RPS6KC1: variants seen among roughly 807,000 people sequenced by gnomAD.
The protein encoded by RPS6KC1 is ribosomal protein S6 kinase C1.
RPS6KC1 carries 54 observed loss-of-function variants against 103.8 expected under a neutral mutation model. That is an observed-to-expected ratio of 0.52 (90% CI 0.42 to 0.65). The LOEUF (loss-of-function observed/expected upper bound fraction) is 0.65, where lower values mean the gene tolerates loss of function less well. RPS6KC1 is among the 30% of genes least tolerant of loss of function. The pLI is 0.00. For synonymous variants in RPS6KC1, 439 were observed against 438.7 expected (o/e 1.00, Z -0.01); for missense variants, 1,151 against 1,253.8 (o/e 0.92, Z 1.24).
At chr1:213,450,791 C>T in the RPS6KC1 span, among the ~76,000 whole-genome samples, 252 of 152,250 alleles carry the variant, frequency 1.7e-3, no homozygotes, top group African/African-American at 5.9e-3. Context: ...GCCTGGCCAA[C>T]ATGGTGAAAC....
chr1:213,765,502 C>T, the RPS6KC1 span, among the ~76,000 whole-genome samples: 3 of 152,192 alleles, frequency 2.0e-5, no homozygotes, highest in African/African-American at 7.2e-5. Context: ...TGAGTCTGCC[C>T]AGGGCCATTG....
chr1:213,312,971 A>ACC, the RPS6KC1 span, among the ~76,000 whole-genome samples: 4 of 152,098 alleles, frequency 2.6e-5, no homozygotes, highest in Non-Finnish European at 5.9e-5. Context: ...CCCCACATAG[A>ACC]CCCTTAACTG....
chr1:213,093,208 CTTT>C (rs778283618), intron 3 of RPS6KC1, among the ~76,000 whole-genome samples: 13 of 136,168 alleles, frequency 9.5e-5, no homozygotes, highest in Non-Finnish European at 9.7e-5. Context: ...TAATAATCTA[CTTT>C]TTTTTTTTTT....
intron 7 of RPS6KC1, among the ~76,000 whole-genome samples, chr1:213,174,138 A>T (rs962095746): frequency 2.6e-5 from 4 of 152,164 alleles, no homozygotes; most frequent in African/African-American, 9.7e-5. Flanking sequence ...AGGCAGCAGC[A>T]GAAAAGAATT....
chr1:213,668,402 A>ACCACCC, the RPS6KC1 span, among the ~76,000 whole-genome samples: 41,959 of 85,966 alleles, frequency 0.49, 9,075 homozygotes, highest in South Asian at 0.68. Flanking sequence ...CCCCCGCCGC[A>ACCACCC]CCACCCCCAC....
the RPS6KC1 span, among the ~76,000 whole-genome samples, chr1:213,626,882 T>A: frequency 6.6e-6 from 1 of 152,228 alleles, no homozygotes; most frequent in African/African-American, 2.4e-5. Context: ...TTTGTTCTTT[T>A]GGCTTAGGAT....
At chr1:213,516,031 T>C in the RPS6KC1 span, among the ~76,000 whole-genome samples, 2,411 of 152,328 alleles carry the variant, frequency 0.016, 62 homozygotes, top group African/African-American at 0.054. Context: ...GCTCTCTGTT[T>C]GTCTGTTATT....
At chr1:213,482,075 A>G in the RPS6KC1 span, among the ~76,000 whole-genome samples, 7,558 of 152,198 alleles carry the variant, frequency 0.05, 610 homozygotes, top group African/African-American at 0.17. Flanking sequence ...AACTCCCTGA[A>G]TCCTCCCCAG....
the RPS6KC1 span, chr1:213,817,811 A>C: frequency 6.6e-6 from 1 of 151,044 alleles, no homozygotes; most frequent in Non-Finnish European, 1.5e-5. Context: ...TTTTTTTTAC[A>C]AATTGAAGGT....
chr1:213,085,183 G>A (rs1447328124), intron 3 of RPS6KC1, among the ~76,000 whole-genome samples: 3 of 152,174 alleles, frequency 2.0e-5, no homozygotes, highest in Non-Finnish European at 4.4e-5. Context: ...AGCTGCCTAT[G>A]TTCCTTGGCT....
At chr1:213,854,127 A>G in the RPS6KC1 span, among the ~76,000 whole-genome samples, 1 of 152,228 alleles carries the variant, frequency 6.6e-6, no homozygotes, top group Non-Finnish European at 1.5e-5. Context: ...TAGTCTCTGC[A>G]GGATAGGACC....
rs529118574 is a variant in RPS6KC1 at position 213,248,163 on chromosome 1, A to T, written c.2911+5505A>T. Among the ~76,000 whole-genome samples the T allele has an allele frequency of 2.0e-5, 3 of 152,288 alleles. No individual in the cohort carries two copies. The South Asian group carries it at 6.2e-4, about 32-fold the overall frequency. ...AGAAAGCAAATAAATATAGATGTAT[A>T]TTTCAAAATAATAATGACATAACCA... On this transcript the variant is annotated intron_variant, in intron 12 of 14. Transcript: ENST00000366960.
intron 3 of RPS6KC1, among the ~76,000 whole-genome samples, chr1:213,095,443 A>G (rs2081360780): frequency 6.6e-6 from 1 of 152,262 alleles, no homozygotes; most frequent in Admixed American, 6.5e-5. Context: ...TAATAAAAAC[A>G]ACATAGGGAA....
chr1:213,798,949 G>C, the RPS6KC1 span, among the ~76,000 whole-genome samples: 1 of 152,178 alleles, frequency 6.6e-6, no homozygotes, highest in African/African-American at 2.4e-5. Flanking sequence ...TCCATGGCTG[G>C]AGCATATTGG....
chr1:213,769,643 T>C, the RPS6KC1 span, among the ~76,000 whole-genome samples: 2 of 151,734 alleles, frequency 1.3e-5, no homozygotes, highest in East Asian at 1.9e-4. Context: ...GAATTCCATA[T>C]AGTGTCAGCA....
At chr1:213,148,699 G>T (rs545235127) in intron 6 of RPS6KC1, among the ~76,000 whole-genome samples, 1 of 152,092 alleles carries the variant, frequency 6.6e-6, no homozygotes. Context: ...CTCATAGAAC[G>T]AGTTTATAAG....
intron 4 of RPS6KC1, among the ~76,000 whole-genome samples, chr1:213,114,193 C>G (rs1205375784): frequency 6.6e-6 from 1 of 152,122 alleles, no homozygotes; most frequent in Non-Finnish European, 1.5e-5. Flanking sequence ...TACCCATGAG[C>G]ATGGAATATT....
chr1:213,615,460 G>C, the RPS6KC1 span, among the ~76,000 whole-genome samples: 4 of 152,260 alleles, frequency 2.6e-5, no homozygotes, highest in Admixed American at 6.5e-5. Context: ...AGGAAGGAAG[G>C]CTTGATGAGA....
chr1:213,332,819 C>T, the RPS6KC1 span, among the ~76,000 whole-genome samples: 3 of 152,170 alleles, frequency 2.0e-5, no homozygotes, highest in African/African-American at 7.2e-5. Context: ...CAGATCCAGG[C>T]ATAACTACTG....
Sources: gnomAD v4.1 joint callset for allele counts (sites outside exome capture counted in the v4.1 genomes callset) on GRCh38, gnomAD v4.1.1 for gene constraint, MANE v1.5 for transcripts, NCBI Gene and HGNC (gene_info 2026-07-23, HGNC 2026-07-21) for gene names.